The following FARS2 variants were observed in gnomAD, a reference collection of about 807,000 sequenced individuals.
FARS2 encodes phenylalanine--tRNA ligase, mitochondrial.
A neutral mutation model predicts 46.4 loss-of-function variants in FARS2; 40 were observed. That is an observed-to-expected ratio of 0.86 (90% CI 0.67 to 1.12). The LOEUF is 1.12. Ranked by LOEUF, FARS2 falls within the 50% of genes most tolerant of loss-of-function variation. The pLI is 0.00. For synonymous variants in FARS2, 234 were observed against 214.9 expected, an observed-to-expected ratio of 1.09 and a Z score of -0.78; for missense variants, 513 against 567.9, an observed-to-expected ratio of 0.90 and a Z score of 0.98.
intron 1 of FARS2, among the ~76,000 whole-genome samples, chr6:5,298,746 G>A (rs900641562): frequency 1.3e-5 from 2 of 151,422 alleles, no homozygotes; most frequent in Non-Finnish European, 2.9e-5. Context: ...TGTTCTTTGG[G>A]CTTTAAATAA....
chr6:5,439,378 C>T (rs1021427006), intron 4 of FARS2, among the ~76,000 whole-genome samples: 1 of 152,230 alleles, frequency 6.6e-6, no homozygotes, highest in Non-Finnish European at 1.5e-5. Context: ...ACAGGCTTCT[C>T]TTTGAGTTTA....
rs1762649224 is a variant in FARS2 at position 5,764,487 on chromosome 6, A to T, written c.1218-6804A>T. Among the ~76,000 whole-genome samples the T allele has an allele frequency of 6.6e-6, 1 of 152,188 alleles. No individual in the cohort carries two copies. Among genetic ancestry groups the T allele is most frequent in the South Asian group, 2.1e-4 (1 of 4,828 alleles). Reference sequence around the variant, plus strand: ...GGGCAGCTCCAGACTGAGCTTCTGCATCAGACAAGCAGGAGACAGATGAGG... The same window carrying T: ...GGGCAGCTCCAGACTGAGCTTCTGCTTCAGACAAGCAGGAGACAGATGAGG... On this transcript the variant is annotated intron_variant, in intron 6 of 6. Transcript: ENST00000274680. This position sits in a 1 kb window ranked among gnomAD's most constrained non-coding sequence, Gnocchi z 4.1.
At chr6:5,683,686 G>A (rs1779150033) in intron 6 of FARS2, among the ~76,000 whole-genome samples, 1 of 151,932 alleles carries the variant, frequency 6.6e-6, no homozygotes, top group African/African-American at 2.4e-5. Context: ...ATGTGCCATG[G>A]TGGTTTGCTG....
intron 4 of FARS2, among the ~76,000 whole-genome samples, chr6:5,444,785 C>T (rs191834): frequency 0.14 from 3,848 of 28,428 alleles, 177 homozygotes; most frequent in African/African-American, 0.18. Context: ...TAAAATGGGG[C>T]GGGGGGGAAC....
At chr6:5,469,656 A>G (rs943884192) in intron 4 of FARS2, among the ~76,000 whole-genome samples, 2 of 152,208 alleles carry the variant, frequency 1.3e-5, no homozygotes, top group Admixed American at 1.3e-4. Flanking sequence ...GTCAATGGAT[A>G]ATGTCTCATG....
intron 1 of FARS2, among the ~76,000 whole-genome samples, chr6:5,319,533 C>A (rs533818913): frequency 1.3e-5 from 2 of 152,334 alleles, no homozygotes; most frequent in East Asian, 3.9e-4. Context: ...ATGTATAAAA[C>A]CCCAAGTCAA....
chr6:5,524,217 T>C (rs995833859), intron 4 of FARS2, among the ~76,000 whole-genome samples: 1 of 152,154 alleles, frequency 6.6e-6, no homozygotes, highest in Non-Finnish European at 1.5e-5. Flanking sequence ...ACACTAAAAG[T>C]AGTGAGACCC....
At chr6:5,711,553 C>T (rs1231589864) in intron 6 of FARS2, among the ~76,000 whole-genome samples, 1 of 152,168 alleles carries the variant, frequency 6.6e-6, no homozygotes, top group South Asian at 2.1e-4. Context: ...GACAGTATGT[C>T]CCCTAGCTCT....
At chr6:5,444,092 C>CGTGTGTGTGTGTGTGTGTGT (rs35213574) in intron 4 of FARS2, among the ~76,000 whole-genome samples, 7 of 146,312 alleles carry the variant, frequency 4.8e-5, no homozygotes, top group Non-Finnish European at 7.5e-5. Context: ...GGAAGATCCT[C>CGTGTGTGTGTGTGTGTGTGT]GTGTGTGTGT....
intron 1 of FARS2, among the ~76,000 whole-genome samples, chr6:5,367,019 T>C (rs1010570671): frequency 7.9e-5 from 12 of 152,086 alleles, no homozygotes; most frequent in African/African-American, 2.9e-4. Context: ...AACCAGAGAG[T>C]TCCTGGGTAT....
intron 4 of FARS2, among the ~76,000 whole-genome samples, chr6:5,481,019 TAA>T (rs773520525): frequency 6.6e-5 from 10 of 152,248 alleles, no homozygotes; most frequent in African/African-American, 2.4e-4. Flanking sequence ...AAGCACTCTT[TAA>T]AACAGTCTTT....
chr6:5,564,997 G>T (rs185214097), intron 5 of FARS2, among the ~76,000 whole-genome samples: 7 of 152,270 alleles, frequency 4.6e-5, no homozygotes, highest in African/African-American at 1.2e-4. Context: ...CAAAGCCTTG[G>T]TAAAATAACC....
intron 1 of FARS2, among the ~76,000 whole-genome samples, chr6:5,305,474 C>T (rs911422276): frequency 6.6e-6 from 1 of 152,126 alleles, no homozygotes; most frequent in African/African-American, 2.4e-5. Flanking sequence ...CAGCAGACCT[C>T]ACAGGGATAA....
At chr6:5,358,069 C>A (rs1483496233) in intron 1 of FARS2, among the ~76,000 whole-genome samples, 2 of 152,090 alleles carry the variant, frequency 1.3e-5, no homozygotes, top group South Asian at 4.1e-4. Context: ...TATAAATAAT[C>A]AATTTATTTA....
intron 5 of FARS2, among the ~76,000 whole-genome samples, chr6:5,580,151 G>T (rs538304138): frequency 1.3e-5 from 2 of 151,580 alleles, no homozygotes; most frequent in Non-Finnish European, 2.9e-5. Context: ...TTAGCCGGGC[G>T]TGGTGGTGCG....
At chr6:5,520,975 T>G (rs1439199057) in intron 4 of FARS2, among the ~76,000 whole-genome samples, 4 of 152,166 alleles carry the variant, frequency 2.6e-5, no homozygotes, top group African/African-American at 7.2e-5. Flanking sequence ...TTGACAGGTG[T>G]TGTTTAACAA....
chr6:5,498,804 G>C (rs1419742369), intron 4 of FARS2, among the ~76,000 whole-genome samples: 1 of 152,178 alleles, frequency 6.6e-6, no homozygotes, highest in African/African-American at 2.4e-5. Context: ...TTAAGACGAG[G>C]GAGCTCCTTA....
At chr6:5,269,352 G>T (rs1005400946) in intron 1 of FARS2, among the ~76,000 whole-genome samples, 1 of 151,292 alleles carries the variant, frequency 6.6e-6, no homozygotes, top group African/African-American at 2.4e-5. Flanking sequence ...GTTGGGGGAG[G>T]GGGGAGGGAT....
intron 1 of FARS2, among the ~76,000 whole-genome samples, chr6:5,277,543 G>C (rs555212052): frequency 1.3e-5 from 2 of 152,256 alleles, no homozygotes; most frequent in African/African-American, 4.8e-5. Context: ...GTTAAGGAAT[G>C]CCACCTTCTG....
Sources: gnomAD v4.1 joint callset for allele counts (sites outside exome capture counted in the v4.1 genomes callset) on GRCh38, gnomAD v4.1.1 for gene constraint, Gnocchi (gnomAD v3.1) non-coding constraint, MANE v1.5 for transcripts, NCBI Gene and HGNC (gene_info 2026-07-23, HGNC 2026-07-21) for gene names.